The following UBAP1 variants were observed in gnomAD, a reference collection of about 807,000 sequenced individuals.
UBAP1 encodes the protein ubiquitin associated protein 1, also known as ubiquitin-associated protein 1.
In UBAP1, 5 loss-of-function variants were observed where a neutral mutation model predicts 39.0. The ratio of observed to expected loss-of-function variants is 0.13; its 90% CI spans 0.07 to 0.27. UBAP1 has a LOEUF of 0.27. Ranked by LOEUF, UBAP1 falls within the 10% of genes least tolerant of loss-of-function variation. UBAP1 has a pLI of 1.00. For missense variants in UBAP1, 490 were observed against 608.1 expected (o/e 0.81, Z 2.04); for synonymous variants, 211 against 225.1 (o/e 0.94, Z 0.56).
At chr9:34,214,484 T>C (rs1419107539) in intron 1 of UBAP1, among the ~76,000 whole-genome samples, 1 of 152,068 alleles carries the variant, frequency 6.6e-6, no homozygotes, top group African/African-American at 2.4e-5. Flanking sequence ...ACAATGAAAC[T>C]GGATCCTATA....
At chr9:34,234,634 G>GAT (rs200976197) in intron 3 of UBAP1, among the ~76,000 whole-genome samples, 281 of 151,856 alleles carry the variant, frequency 1.9e-3, no homozygotes, top group African/African-American at 6.6e-3. Flanking sequence ...AAAAAAAAAT[G>GAT]ATAGATATAT....
At chr9:34,246,882 A>G (rs969898064) in intron 4 of UBAP1, among the ~76,000 whole-genome samples, 2 of 152,236 alleles carry the variant, frequency 1.3e-5, no homozygotes, top group African/African-American at 4.8e-5. Context: ...GAAAGATTTC[A>G]TAATAATTCT....
chr9:34,198,284 A>C (rs1482356985), intron 1 of UBAP1, among the ~76,000 whole-genome samples: 1 of 152,194 alleles, frequency 6.6e-6, no homozygotes, highest in Non-Finnish European at 1.5e-5. Flanking sequence ...TTCTGCAATC[A>C]GGTGGGGTTG....
At chr9:34,182,695 CTTTTCTTTTCTT>C (rs1830156072) in intron 1 of UBAP1, among the ~76,000 whole-genome samples, 1 of 70,710 alleles carries the variant, frequency 1.4e-5, no homozygotes, top group African/African-American at 4.6e-5. Context: ...CTCTCTCTTT[CTTTTCTTTTCTT>C]TCTCTCTCTT....
rs535831020 is a variant in UBAP1, at chr9:34,241,255, G to A, written c.230G>A (p.Arg77Gln). Reference sequence around the variant, plus strand: ...ATTAAGAAAATCGAAGAAGCCGAGCGGGAAGCAGAGTGCAAAATTGCGGAA... The same window carrying A: ...ATTAAGAAAATCGAAGAAGCCGAGCAGGAAGCAGAGTGCAAAATTGCGGAA... ...EEIKKIEEAE[R>Q]EAECKIAEAE... Residue 77 changes from arginine (R) to glutamine (Q), a missense_variant, in exon 4 of 7, where the codon CGG becomes CAG. This residue lies in a region of UBAP1 where 144 missense variants were observed against 184.4 expected (regional missense o/e 0.78). Coordinates refer to ENST00000297661, the MANE Select transcript of UBAP1 (RefSeq NM_016525.5). 10 of 1,503,906 alleles carry A rather than the reference G, an allele frequency of 6.6e-6. No individual in the cohort carries two copies. The East Asian group carries it at 6.8e-5, about 10-fold the overall frequency. 93.2% of individuals were successfully genotyped at this position (1,503,906 alleles called of 1,614,324 possible).
chr9:34,221,223 C>T (rs1450751612), intron 2 of UBAP1, among the ~76,000 whole-genome samples: 1 of 152,104 alleles, frequency 6.6e-6, no homozygotes, highest in Non-Finnish European at 1.5e-5. Flanking sequence ...TCTGGTTCTT[C>T]AGCAGCATTG....
intron 1 of UBAP1, among the ~76,000 whole-genome samples, chr9:34,181,278 A>AT (rs1478983331): frequency 4.1e-5 from 6 of 147,536 alleles, no homozygotes; most frequent in South Asian, 2.2e-4. Flanking sequence ...CACCTGGCTA[A>AT]TTTTTTAAAA....
chr9:34,180,805 TTTTTG>T (rs1393741514), intron 1 of UBAP1, among the ~76,000 whole-genome samples: 50 of 152,068 alleles, frequency 3.3e-4, no homozygotes, highest in African/African-American at 1.2e-3. Context: ...CTTTTTTTTT[TTTTTG>T]TTTCTTTTTA....
intron 3 of UBAP1, among the ~76,000 whole-genome samples, chr9:34,235,406 T>C (rs1362484634): frequency 6.6e-6 from 1 of 152,046 alleles, no homozygotes; most frequent in African/African-American, 2.4e-5. Context: ...CGGTGCAATC[T>C]TGGCTCACTG....
chr9:34,179,602 G>C (rs1563878412), intron 1 of UBAP1, among the ~76,000 whole-genome samples: 1 of 152,122 alleles, frequency 6.6e-6, no homozygotes. Flanking sequence ...TAGTAAAGAA[G>C]GTGAGTGGTG....
At chr9:34,202,676 T>TGTGTGTCCCC (rs1554647595) in intron 1 of UBAP1, among the ~76,000 whole-genome samples, 1 of 143,136 alleles carries the variant, frequency 7.0e-6, no homozygotes, top group African/African-American at 2.6e-5. Context: ...TGTGTGTGTG[T>TGTGTGTCCCC]GTCCCCGTCC....
intron 1 of UBAP1, among the ~76,000 whole-genome samples, chr9:34,181,351 C>T (rs888450336): frequency 6.7e-6 from 1 of 148,738 alleles, no homozygotes; most frequent in African/African-American, 2.5e-5. Flanking sequence ...CTGCTGACCT[C>T]GTGATCCACC....
intron 2 of UBAP1, among the ~76,000 whole-genome samples, chr9:34,227,224 A>G (rs561625399): frequency 6.6e-6 from 1 of 152,194 alleles, no homozygotes; most frequent in Non-Finnish European, 1.5e-5. Flanking sequence ...CTTACAACAG[A>G]TATCTATGTT....
intron 3 of UBAP1, among the ~76,000 whole-genome samples, chr9:34,236,768 A>G (rs1024925189): frequency 1.3e-5 from 2 of 151,738 alleles, no homozygotes; most frequent in Non-Finnish European, 2.9e-5. Context: ...TTTTTTACAT[A>G]GTTTCTAGAA....
At chr9:34,191,951 ACCT>A (rs891937127) in intron 1 of UBAP1, 29 of 151,712 alleles carry the variant, frequency 1.9e-4, no homozygotes, top group African/African-American at 6.3e-4. Context: ...TTAAAAACCA[ACCT>A]CTCTCAGCCT....
chr9:34,243,969 C>A (rs1834095017), intron 4 of UBAP1, among the ~76,000 whole-genome samples: 1 of 152,126 alleles, frequency 6.6e-6, no homozygotes, highest in South Asian at 2.1e-4. Context: ...TCTGCCTCAG[C>A]CTCCAGAGTA....
chr9:34,217,301 A>G (rs1832379956), intron 1 of UBAP1, among the ~76,000 whole-genome samples: 2 of 152,058 alleles, frequency 1.3e-5, no homozygotes. Flanking sequence ...CAGTGGCATG[A>G]TCTCAGCTCA....
At chr9:34,243,159 G>A (rs1449253931) in intron 4 of UBAP1, among the ~76,000 whole-genome samples, 1 of 152,088 alleles carries the variant, frequency 6.6e-6, no homozygotes, top group African/African-American at 2.4e-5. Context: ...GTTGGGCTCT[G>A]GTCAGCACTG....
At chr9:34,200,928 A>T (rs1470214264) in intron 1 of UBAP1, among the ~76,000 whole-genome samples, 5 of 151,528 alleles carry the variant, frequency 3.3e-5, no homozygotes, top group Non-Finnish European at 5.9e-5. Flanking sequence ...TTTTTTTTTG[A>T]GATGGAGTTT....
Sources: gnomAD v4.1 joint callset for allele counts (sites outside exome capture counted in the v4.1 genomes callset) on GRCh38, gnomAD v4.1.1 for gene constraint, gnomAD v4.1.1 regional missense constraint, MANE v1.5 for transcripts, NCBI Gene and HGNC (gene_info 2026-07-23, HGNC 2026-07-21) for gene names.